ZNF638: variants seen among roughly 807,000 people sequenced by gnomAD.
ZNF638 encodes zinc finger protein 638.
ZNF638 carries 46 observed loss-of-function variants against 195.6 expected under a neutral mutation model. That is an observed-to-expected ratio of 0.24 (90% confidence interval 0.19 to 0.30). ZNF638 has a LOEUF of 0.30. ZNF638 is among the 10% of genes least tolerant of loss of function. The pLI, the probability that ZNF638 is intolerant of heterozygous loss-of-function variation, is 1.00. For synonymous variants in ZNF638, 845 were observed against 772.0 expected, an observed-to-expected ratio of 1.09 and a Z score of -1.57; for missense variants, 2,440 against 2,325.3, an observed-to-expected ratio of 1.05 and a Z score of -1.01.
intron 24 of ZNF638, among the ~76,000 whole-genome samples, chr2:71,428,090 A>G (rs931621957): frequency 2.6e-5 from 4 of 151,994 alleles, no homozygotes; most frequent in Middle Eastern, 3.2e-3. Context: ...TGCTTTGGAG[A>G]CTGAGGCTAG....
Position 71,434,957 on chromosome 2 carries a change from G to A in ZNF638, c.*150G>A, listed in dbSNP as rs2080736267. On this transcript the variant is annotated 3_prime_UTR_variant, in exon 28 of 28. Transcript: ENST00000264447. ...TTGCCCTAAATGTAGAGAGACTGAT[G>A]GGGAAAGTATGATGGGTTTGATTTT... The A allele has an allele frequency of 1.7e-6, 1 of 594,854 alleles. No individual in the cohort carries two copies. The highest frequency in any genetic ancestry group is 3.0e-5 in the East Asian group (1 of 33,518). The allele number at this position is 594,854 out of a possible 1,614,324, so 36.8% of individuals were successfully genotyped here.
chr2:71,384,734 TC>T lies in ZNF638; in HGVS notation c.2377+4173del, dbSNP rs201663054. On this transcript the variant is annotated intron_variant, in intron 10 of 27. Coordinates refer to ENST00000264447, the MANE Select transcript of ZNF638 (RefSeq NM_014497.5). ...TTTTCTCTTTTTTAGAAATAATATG[TC>T]CCCTTTTCTTTTTACCTTTTCAGTT... Among the ~76,000 whole-genome samples the T allele has an allele frequency of 9.9e-3, 1,502 of 152,344 alleles. 33 individuals are homozygous for T. Among genetic ancestry groups the T allele is most frequent in the African/African-American group, 0.033 (1,370 of 41,570 alleles).
chr2:71,424,785 T>G, intron 23 of ZNF638, 70 bp downstream of exon 23: 1 of 1,273,942 alleles, frequency 7.8e-7, no homozygotes, highest in African/African-American at 1.5e-5. Context: ...ATCTTATAAC[T>G]TGTGCCTGCC....
chr2:71,429,775 G>A (rs1044333095), intron 25 of ZNF638, among the ~76,000 whole-genome samples: 1 of 152,162 alleles, frequency 6.6e-6, no homozygotes, highest in African/African-American at 2.4e-5. Context: ...TTTTTAAAGT[G>A]TTTTCTTCTT....
chr2:71,382,230 C>G (rs186037188), intron 10 of ZNF638, among the ~76,000 whole-genome samples: 1 of 152,242 alleles, frequency 6.6e-6, no homozygotes, highest in Admixed American at 6.5e-5. Flanking sequence ...TACCAAGTTT[C>G]AGCTGTCACG....
At chr2:71,410,028 G>T (rs1212616745) in intron 20 of ZNF638, among the ~76,000 whole-genome samples, 2 of 152,150 alleles carry the variant, frequency 1.3e-5, no homozygotes, top group Non-Finnish European at 2.9e-5. Flanking sequence ...TTGTCTAGAT[G>T]TAAAATTCTG....
At chr2:71,388,694 G>A (rs530241293) in intron 10 of ZNF638, 10 of 1,154,132 alleles carry the variant, frequency 8.7e-6, no homozygotes, top group East Asian at 2.3e-5. Context: ...CGGAACCCCC[G>A]AAAATGAAGG....
At chr2:71,362,409 T>C (rs948876035) in intron 3 of ZNF638, among the ~76,000 whole-genome samples, 3 of 152,218 alleles carry the variant, frequency 2.0e-5, no homozygotes, top group African/African-American at 7.2e-5. Flanking sequence ...ATTCCTGTTA[T>C]CTTCTCTTAC....
intron 2 of ZNF638, 128 bp downstream of exon 2, chr2:71,350,399 T>G: frequency 1.1e-6 from 1 of 930,042 alleles, no homozygotes; most frequent in Non-Finnish European, 1.6e-6. Flanking sequence ...AATTGCAACC[T>G]CAATACATAG....
intron 2 of ZNF638, among the ~76,000 whole-genome samples, chr2:71,351,534 G>C (rs1054500051): frequency 1.3e-5 from 2 of 152,152 alleles, no homozygotes; most frequent in Non-Finnish European, 2.9e-5. Context: ...GTATTCTTGT[G>C]ACTGGGCATA....
At position 71,399,619 on chromosome 2, in the gene ZNF638, ACT is replaced by A; in HGVS notation, c.2564_2565del (p.Ser855Ter). Reference sequence around the variant, plus strand: ...AAGACTGGGAATGTCAAAAACAAAGACTCTAACAAACCTGTGACTATACCAGG... The same window carrying A: ...AAGACTGGGAATGTCAAAAACAAAGACTAACAAACCTGTGACTATACCAGG... On this transcript the variant is annotated frameshift_variant, in exon 13 of 28. Transcript: ENST00000264447. LOFTEE classifies it high-confidence loss of function. The A allele has an allele frequency of 1.2e-6, 2 of 1,612,588 alleles. No individual in the cohort carries two copies. Among genetic ancestry groups the A allele is most frequent in the East Asian group, 2.2e-5 (1 of 44,784 alleles).
At chr2:71,359,465 T>TC (rs755694949) in intron 3 of ZNF638, among the ~76,000 whole-genome samples, 1 of 152,178 alleles carries the variant, frequency 6.6e-6, no homozygotes, top group Non-Finnish European at 1.5e-5. Context: ...CCATCTGGGC[T>TC]CCCAGCCTAT....
Position 71,426,782 on chromosome 2 carries a change from A to T in ZNF638, c.4913A>T (p.Asn1638Ile). Residue 1638 changes from asparagine to isoleucine, a missense_variant, in exon 24 of 28, where the codon AAT (asparagine) becomes ATT (isoleucine). Around this residue, in one of 5 missense-constraint regions of ZNF638, gnomAD observed 1,883 missense variants for 1,739.1 expected, o/e 1.08. Transcript: ENST00000264447. ...CTAAATATGGAAGAAATGGTAAAAA[A>T]TTCAAATTCACTTTTTACATTAGAT... ...EELNMEEMVK[N>I]SNSLFTLDEL... 6.2e-7 allele frequency: 1 copy of T among 1,613,284 alleles called. No individual in the cohort carries two copies. The highest frequency in any genetic ancestry group is 1.1e-5 in the South Asian group (1 of 90,910).
At chr2:71,368,256 TA>T in intron 6 of ZNF638, 125 bp from the exon 7 acceptor site, 1 of 825,912 alleles carries the variant, frequency 1.2e-6, no homozygotes, top group Non-Finnish European at 1.7e-6. Context: ...GAAAAATGGG[TA>T]AAAAATATGG....
chr2:71,346,416 A>G (rs776163197), intron 1 of ZNF638, among the ~76,000 whole-genome samples: 1 of 152,198 alleles, frequency 6.6e-6, no homozygotes, highest in Non-Finnish European at 1.5e-5. Context: ...GAATGTAGGT[A>G]TCATTGTTTG....
intron 8 of ZNF638, among the ~76,000 whole-genome samples, chr2:71,377,134 G>A (rs1228702375): frequency 6.6e-6 from 1 of 152,080 alleles, no homozygotes; most frequent in Non-Finnish European, 1.5e-5. Context: ...TTGACCTAGT[G>A]TGGTGGCACG....
At chr2:71,392,661 G>A (rs1179100928) in intron 10 of ZNF638, among the ~76,000 whole-genome samples, 4 of 151,998 alleles carry the variant, frequency 2.6e-5, no homozygotes, top group Non-Finnish European at 5.9e-5. Context: ...TGACGTCACT[G>A]CTTGACCAAG....
chr2:71,388,297 GCCGACCTTTGATCAT>G lies in ZNF638; in HGVS notation c.2377+7764_2377+7778del, dbSNP rs1204194715. 490 of 409,400 alleles carry G rather than the reference GCCGACCTTTGATCAT, an allele frequency of 1.2e-3. 3 individuals carry two copies. The highest frequency in any genetic ancestry group is 3.3e-3 in the African/African-American group (163 of 48,896). 25.4% of individuals were successfully genotyped at this position (409,400 alleles called of 1,614,324 possible). A position where few individuals can be genotyped will look rare whatever the true frequency, so the allele number is the denominator to read the frequency against. The stretch of plus-strand genomic sequence containing the variant: ...TATCTAGATAAGTTTATTTACTTTT[GCCGACCTTTGATCAT>G]CCGACCTTTGATCATCCGACCTTTG... On this transcript the variant is annotated intron_variant, in intron 10 of 27. Transcript: ENST00000264447.
intron 17 of ZNF638, among the ~76,000 whole-genome samples, chr2:71,405,039 C>T (rs528849169): frequency 6.6e-6 from 1 of 152,016 alleles, no homozygotes; most frequent in African/African-American, 2.4e-5. Flanking sequence ...TTATACACAC[C>T]AGTAGTATCA....
Sources: gnomAD v4.1 joint callset for allele counts (sites outside exome capture counted in the v4.1 genomes callset) on GRCh38, gnomAD v4.1.1 for gene constraint, gnomAD v4.1.1 regional missense constraint, MANE v1.5 for transcripts, NCBI Gene and HGNC (gene_info 2026-07-23, HGNC 2026-07-21) for gene names.